GABRA2: variants seen among roughly 807,000 people sequenced by gnomAD.
GABRA2 encodes the protein gamma-aminobutyric acid type A receptor subunit alpha2.
Under a neutral mutation model 48.7 loss-of-function variants are expected in GABRA2, and 16 were observed. That is an observed-to-expected ratio of 0.33 (90% confidence interval 0.22 to 0.50). The LOEUF is 0.50. Ranked by LOEUF, GABRA2 falls within the 20% of genes least tolerant of loss-of-function variation. GABRA2 has a pLI of 0.98. For missense variants in GABRA2, 275 were observed against 535.6 expected (o/e 0.51, Z 4.80); for synonymous variants, 185 against 184.5 (o/e 1.00, Z -0.02).
intron 4 of GABRA2, among the ~76,000 whole-genome samples, chr4:46,322,280 T>C (rs1729585225): frequency 1.3e-5 from 2 of 151,978 alleles, no homozygotes; most frequent in Non-Finnish European, 2.9e-5. Context: ...ACTGAAGCAT[T>C]GCCGTAATGT....
At chr4:46,277,465 G>A (rs918005665) in intron 8 of GABRA2, among the ~76,000 whole-genome samples, 1 of 152,086 alleles carries the variant, frequency 6.6e-6, no homozygotes, top group Non-Finnish European at 1.5e-5. Flanking sequence ...TGTACTCATT[G>A]ATTTCCTATC....
chr4:46,376,945 T>C (rs933096669), intron 3 of GABRA2, among the ~76,000 whole-genome samples: 13 of 152,140 alleles, frequency 8.5e-5, no homozygotes, highest in Non-Finnish European at 1.6e-4. Context: ...CTGTGTTGGC[T>C]GGGCTGATCT....
At chr4:46,376,817 C>T (rs1715784422) in intron 3 of GABRA2, among the ~76,000 whole-genome samples, 1 of 152,014 alleles carries the variant, frequency 6.6e-6, no homozygotes, top group South Asian at 2.1e-4. Flanking sequence ...CCTCTGATGC[C>T]GAGCTGAAGC....
At chr4:46,257,814 G>A (rs1425424703) in intron 9 of GABRA2, among the ~76,000 whole-genome samples, 1 of 151,606 alleles carries the variant, frequency 6.6e-6, no homozygotes, top group Non-Finnish European at 1.5e-5. Context: ...TGAAAATATG[G>A]TCTAAGATAT....
intron 9 of GABRA2, 96 bp downstream of exon 9, chr4:46,261,830 G>T: frequency 2.1e-6 from 2 of 964,008 alleles, no homozygotes; most frequent in Non-Finnish European, 1.6e-6. Context: ...TATATATATG[G>T]ATGTCTTTAA....
Position 46,358,307 on chromosome 4 carries a change from C to T in GABRA2, c.188-25625G>A, listed in dbSNP as rs144905953. Among the ~76,000 whole-genome samples the T allele has an allele frequency of 2.7e-4, 41 of 152,286 alleles. No homozygotes were observed. In the East Asian group the frequency reaches 7.0e-3, roughly 26 times the overall value. On this transcript the variant is annotated intron_variant, in intron 3 of 9. Transcript: ENST00000381620. ...CTGATTTCTAAATTCCACTCTCTAACGCTGAACTCAGCTCCTTAGAGGATA... is the reference window on the plus strand; with the variant it reads ...CTGATTTCTAAATTCCACTCTCTAATGCTGAACTCAGCTCCTTAGAGGATA...
intron 8 of GABRA2, among the ~76,000 whole-genome samples, chr4:46,294,633 G>A (rs1234390258): frequency 1.3e-5 from 2 of 152,206 alleles, no homozygotes; most frequent in African/African-American, 4.8e-5. Flanking sequence ...TGAGGTGTCA[G>A]GGGCAGATAC....
At chr4:46,366,485 T>C (rs535451627) in intron 3 of GABRA2, 1 of 152,212 alleles carries the variant, frequency 6.6e-6, no homozygotes, top group South Asian at 2.1e-4. Context: ...GGGTGCTTAA[T>C]TCCTGATTGA....
At chr4:46,274,600 A>G (rs1560462039) in intron 8 of GABRA2, among the ~76,000 whole-genome samples, 1 of 152,052 alleles carries the variant, frequency 6.6e-6, no homozygotes, top group Non-Finnish European at 1.5e-5. Context: ...CGCTTCCTCC[A>G]TCTGCAAAAG....
In GABRA2 at chr4:46,250,713, G is replaced by A. The variant is rs1478806691; in HGVS notation, c.1060-109C>T. On this transcript the variant is annotated intron_variant, in intron 9 of 9. Coordinates refer to ENST00000381620, the MANE Select transcript of GABRA2 (RefSeq NM_000807.4). ...AAGGTATCCTAATACAAATCATCAT[G>A]CATTAGCAAAAAACAGAAATTAGGA... The A allele has an allele frequency of 5.3e-6, 4 of 753,208 alleles. No homozygotes were observed. In the African/African-American group the frequency reaches 7.1e-5, roughly 13 times the overall value. 46.7% of individuals were successfully genotyped at this position (753,208 alleles called of 1,614,324 possible). A position where few individuals can be genotyped will look rare whatever the true frequency, so the allele number is the denominator to read the frequency against.
intron 8 of GABRA2, among the ~76,000 whole-genome samples, chr4:46,281,880 AAATC>A (rs34184097): frequency 0.2 from 30,674 of 152,044 alleles, 3,365 homozygotes; most frequent in Middle Eastern, 0.25. Flanking sequence ...ATCAAGTAAA[AAATC>A]AAAGACACTG....
intron 5 of GABRA2, among the ~76,000 whole-genome samples, chr4:46,311,650 T>A (rs907577147): frequency 7.9e-5 from 12 of 152,242 alleles, no homozygotes; most frequent in African/African-American, 2.4e-4. Context: ...TGCTATAGGA[T>A]ACTTTTTGAG....
intron 8 of GABRA2, among the ~76,000 whole-genome samples, chr4:46,294,430 T>C (rs1724251215): frequency 6.6e-6 from 1 of 152,218 alleles, no homozygotes; most frequent in African/African-American, 2.4e-5. Context: ...CATTGCTCAG[T>C]GGACCTATTT....
chr4:46,295,216 G>A (rs1577945505), intron 8 of GABRA2, among the ~76,000 whole-genome samples: 1 of 152,338 alleles, frequency 6.6e-6, no homozygotes, highest in East Asian at 1.9e-4. Flanking sequence ...CCAGCGGGCA[G>A]AACTTCGAAC....
intron 4 of GABRA2, among the ~76,000 whole-genome samples, chr4:46,315,143 T>G (rs1578018507): frequency 6.6e-6 from 1 of 151,568 alleles, no homozygotes; most frequent in African/African-American, 2.4e-5. Context: ...GCATCTGTTT[T>G]TTTTTTTTTT....
Position 46,250,302 on chromosome 4 carries a change from C to T in GABRA2, c.*6G>A. ...TATACATCCCAAAGATAACATGGGT[C>T]TCAATTCAAGGACTGACCCCTAATA... On this transcript the variant is annotated 3_prime_UTR_variant, in exon 10 of 10. Coordinates refer to ENST00000381620, the MANE Select transcript of GABRA2 (RefSeq NM_000807.4). The T allele has an allele frequency of 6.2e-7, 1 of 1,603,012 alleles. No individual in the cohort carries two copies. The highest frequency in any genetic ancestry group is 8.5e-7 in the Non-Finnish European group (1 of 1,174,060).
intron 8 of GABRA2, among the ~76,000 whole-genome samples, chr4:46,279,987 ATT>A (rs1721216069): frequency 6.6e-6 from 1 of 151,992 alleles, no homozygotes; most frequent in Non-Finnish European, 1.5e-5. Flanking sequence ...AATCTATTCT[ATT>A]AACAAATATT....
chr4:46,268,445 G>A (rs535044476), intron 8 of GABRA2, among the ~76,000 whole-genome samples: 5 of 151,770 alleles, frequency 3.3e-5, no homozygotes, highest in South Asian at 4.1e-4. Context: ...GAAAAAAATG[G>A]CCAACATCAC....
chr4:46,376,585 T>C (rs1715732332), intron 3 of GABRA2, among the ~76,000 whole-genome samples: 1 of 152,072 alleles, frequency 6.6e-6, no homozygotes, highest in Non-Finnish European at 1.5e-5. Flanking sequence ...CTAGTATTAG[T>C]TCATTAAAAC....
Sources: gnomAD v4.1 joint callset for allele counts (sites outside exome capture counted in the v4.1 genomes callset) on GRCh38, gnomAD v4.1.1 for gene constraint, MANE v1.5 for transcripts, NCBI Gene and HGNC (gene_info 2026-07-23, HGNC 2026-07-21) for gene names.